MUCL3: variants seen among roughly 807,000 people sequenced by gnomAD.
MUCL3 encodes mucin like 3.
Under a neutral mutation model 70.2 loss-of-function variants are expected in MUCL3, and 42 were observed. That is an observed-to-expected ratio of 0.60 (90% confidence interval 0.47 to 0.77). MUCL3 has a LOEUF of 0.77. MUCL3 is among the 30% of genes least tolerant of loss of function. The pLI is 0.00. For synonymous variants in MUCL3, 522 were observed against 647.0 expected, an observed-to-expected ratio of 0.81 and a Z score of 2.93; for missense variants, 1,429 against 1,670.0, an observed-to-expected ratio of 0.86 and a Z score of 2.52.
intron 1 of MUCL3, 76 bp downstream of exon 1, chr6:30,941,157 AAATG>A (rs1299633479): frequency 6.6e-7 from 1 of 1,508,788 alleles, no homozygotes; most frequent in African/African-American, 1.4e-5. Flanking sequence ...CAACAAATAG[AAATG>A]AATGAAGGGG....
chr6:30,951,490 C>A lies in MUCL3; in HGVS notation c.3026C>A (p.Ala1009Asp). 6.4e-7 allele frequency: 1 copy of A among 1,551,900 alleles called. No individual in the cohort carries two copies. Among genetic ancestry groups the A allele is most frequent in the African/African-American group, 1.4e-5 (1 of 73,026 alleles). Residue 1009 changes from alanine to aspartate, a missense_variant, in exon 2 of 3, where the codon GCC becomes GAC. Coordinates refer to ENST00000462446, the MANE Select transcript of MUCL3 (RefSeq NM_080870.4). The stretch of plus-strand genomic sequence containing the variant: ...TCTACAGAACATGGAGAAAGGACAG[C>A]CAATGAGAAGACCACACCATCCCCA... Reference protein sequence around the residue: ...TESTEHGERTANEKTTPSPAE... With the variant: ...TESTEHGERTDNEKTTPSPAE...
Sources: allele counts gnomAD v4.1 joint callset, GRCh38; gene constraint gnomAD v4.1.1; transcripts MANE v1.5; gene names NCBI Gene and HGNC (gene_info 2026-07-23, HGNC 2026-07-21).